TRRAP: variants seen among roughly 807,000 people sequenced by gnomAD.
TRRAP encodes transformation/transcription domain associated protein.
TRRAP carries 41 observed loss-of-function variants against 438.8 expected under a neutral mutation model. The observed-to-expected ratio is 0.09, with a 90% confidence interval of 0.07 to 0.12. The LOEUF is 0.12. Among genes scored for constraint, TRRAP ranks in the 10% least tolerant of loss-of-function variants. TRRAP has a pLI of 1.00. For missense variants in TRRAP, 3,122 were observed against 5,055.1 expected (o/e 0.62, Z 11.60); for synonymous variants, 1,994 against 1,962.9 (o/e 1.02, Z -0.42).
chr7:98,985,733 T>C (rs888596081), intron 62 of TRRAP, among the ~76,000 whole-genome samples: 1 of 152,254 alleles, frequency 6.6e-6, no homozygotes, highest in African/African-American at 2.4e-5. Context: ...GTTTAGCTTA[T>C]TTTTAAATTA....
At chr7:99,000,667 C>T (rs1179833854) in intron 67 of TRRAP, among the ~76,000 whole-genome samples, 1 of 152,268 alleles carries the variant, frequency 6.6e-6, no homozygotes. Flanking sequence ...CAGCCTAGCT[C>T]TCTGCCCCAG....
At chr7:98,930,447 G>A (rs1329745648) in intron 24 of TRRAP, among the ~76,000 whole-genome samples, 186 bp from the exon 25 acceptor site, 3 of 152,084 alleles carry the variant, frequency 2.0e-5, no homozygotes, top group South Asian at 2.1e-4. Flanking sequence ...GCGTGGTGGC[G>A]CATGCCTGTA....
In TRRAP at chr7:98,930,645, C is replaced by T. The variant is rs1554412638; in HGVS notation, c.3406C>T (p.Pro1136Ser). Reference protein sequence around the residue: ...LGSKERACQLPLFSYIVERLC... With the variant: ...LGSKERACQLSLFSYIVERLC... ...TTTTCCTCTCCAGGCCTGCCAGCTG[C>T]CCCTGTTTTCTTACATCGTGGAGCG... The change falls in exon 25 of 73, where the codon CCC becomes TCC. Residue 1136 changes from proline (P) to serine (S), a missense_variant. Transcript: ENST00000456197. 8 of 1,613,586 alleles carry T rather than the reference C, an allele frequency of 5.0e-6. No individual in the cohort carries two copies. Among genetic ancestry groups the T allele is most frequent in the Non-Finnish European group, 5.9e-6 (7 of 1,180,010 alleles).
chr7:98,974,925 G>C (rs1242027404), intron 53 of TRRAP, among the ~76,000 whole-genome samples: 1 of 152,136 alleles, frequency 6.6e-6, no homozygotes, highest in East Asian at 1.9e-4. Context: ...TTCGACACTT[G>C]GGGTTAGGGT....
intron 67 of TRRAP, among the ~76,000 whole-genome samples, chr7:99,001,030 A>G (rs1793896578): frequency 6.6e-6 from 1 of 152,254 alleles, no homozygotes; most frequent in Admixed American, 6.5e-5. Flanking sequence ...AGAATCTCCT[A>G]AAGACTCATT....
chr7:99,008,450 G>A lies in TRRAP; in HGVS notation c.10827G>A (p.Glu3609=). 6.2e-7 allele frequency: 1 copy of A among 1,614,204 alleles called. No individual in the cohort carries two copies. Among genetic ancestry groups the A allele is most frequent in the Non-Finnish European group, 8.5e-7 (1 of 1,180,034 alleles). Residue 3609 remains glutamate, a synonymous_variant, in exon 70 of 73, where the codon GAG becomes GAA. Transcript: ENST00000456197. The part of the protein sequence containing the change: ...EDNPSSLSLV[E]IYKQRCAKKG... Reference sequence around the variant, plus strand: ...ACCCCTCTTCACTTTCCCTTGTGGAGATCTACAAGCAGCGCTGCGCCAAGA... The same window carrying A: ...ACCCCTCTTCACTTTCCCTTGTGGAAATCTACAAGCAGCGCTGCGCCAAGA...
At chr7:98,993,872 C>A in intron 66 of TRRAP, 135 bp downstream of exon 66, 2 of 822,958 alleles carry the variant, frequency 2.4e-6, no homozygotes, top group Non-Finnish European at 3.9e-6. Context: ...TAACCATGGA[C>A]CAGGCAAATA....
chr7:98,948,184 A>C lies in TRRAP; in HGVS notation c.4549-37A>C, dbSNP rs367586513. 1.9e-6 allele frequency: 3 copies of C among 1,612,284 alleles called. No homozygotes were observed. In the Admixed American group the frequency reaches 5.0e-5, roughly 27 times the overall value. The stretch of plus-strand genomic sequence containing the variant: ...GTTGACCTCTGTCACTTGCAAAATT[A>C]ATCGACCTGTTTATAATTTCTGGTT... On this transcript the variant is annotated intron_variant, in intron 33 of 72. Coordinates refer to ENST00000456197, the MANE Select transcript of TRRAP (RefSeq NM_001375524.1). The surrounding 1 kb of genome is among the most constrained non-coding windows in gnomAD (Gnocchi z 4.9).
chr7:98,921,250 A>G lies in TRRAP; in HGVS notation c.2623-503A>G, dbSNP rs537762690. ...ATGTTTACACAGGTACTTTCTTTAT[A>G]AAGACATAAAACTTCCTTGGAAGAA... On this transcript the variant is annotated intron_variant, in intron 20 of 72. Coordinates refer to ENST00000456197, the MANE Select transcript of TRRAP (RefSeq NM_001375524.1). Among the ~76,000 whole-genome samples the G allele has an allele frequency of 5.3e-5, 8 of 152,334 alleles. No individual in the cohort carries two copies. In the East Asian group the frequency reaches 1.3e-3, roughly 26 times the overall value.
chr7:98,899,581 TAC>T (rs1796377814), intron 9 of TRRAP, 82 bp downstream of exon 9: 3 of 1,603,694 alleles, frequency 1.9e-6, no homozygotes, highest in Admixed American at 3.3e-5. Flanking sequence ...ATGTGTATAA[TAC>T]ACACATGCTA....
At chr7:98,972,585 C>T (rs1054173757) in intron 53 of TRRAP, among the ~76,000 whole-genome samples, 1 of 152,210 alleles carries the variant, frequency 6.6e-6, no homozygotes, top group Admixed American at 6.5e-5. Context: ...TAGAAACTCT[C>T]TGGCTTCTGC....
intron 19 of TRRAP, among the ~76,000 whole-genome samples, 153 bp downstream of exon 19, chr7:98,916,041 C>A (rs1584306708): frequency 6.6e-6 from 1 of 151,740 alleles, no homozygotes; most frequent in South Asian, 2.1e-4. Context: ...CTGCCCCCCT[C>A]CCCTGGCCCT....
chr7:98,946,967 G>C (rs1310365651), intron 33 of TRRAP, among the ~76,000 whole-genome samples: 1 of 152,236 alleles, frequency 6.6e-6, no homozygotes, highest in Non-Finnish European at 1.5e-5. Flanking sequence ...AGCTGGCCTT[G>C]AGCCCATTTT....
chr7:98,967,550 G>C lies in TRRAP; in HGVS notation c.7364G>C (p.Arg2455Pro). ...KLEPAFLSGLRCAQPLIRAKF... is the reference protein window; with the variant it reads ...KLEPAFLSGLPCAQPLIRAKF... ...GAGCCTGCCTTTCTCTCTGGGCTGC[G>C]CTGTGCCCAGCCACTCATCAGGGCA... Residue 2455 changes from arginine to proline, a missense_variant, in exon 51 of 73, where the codon CGC becomes CCC. By Grantham distance (103) the Arg-to-Pro change is moderately radical (BLOSUM62 -2). Coordinates refer to ENST00000456197, the MANE Select transcript of TRRAP (RefSeq NM_001375524.1). 6.2e-7 allele frequency: 1 copy of C among 1,614,072 alleles called. No homozygotes were observed. Among genetic ancestry groups the C allele is most frequent in the Non-Finnish European group, 8.5e-7 (1 of 1,180,026 alleles).
chr7:98,881,854 C>A, intron 2 of TRRAP, 121 bp from the exon 3 acceptor site: 1 of 1,064,090 alleles, frequency 9.4e-7, no homozygotes, highest in Non-Finnish European at 1.4e-6. Context: ...TTCTATTAGG[C>A]CATGACAGTC....
At chr7:98,961,131 T>C (rs2116663342) in intron 45 of TRRAP, 130 bp from the exon 46 acceptor site, 1 of 766,460 alleles carries the variant, frequency 1.3e-6, no homozygotes, top group South Asian at 1.7e-5. Context: ...ATTGTCATTC[T>C]CTAGTGGTTT....
Position 98,918,905 on chromosome 7 carries a change from A to C in TRRAP, c.2622+1226A>C, listed in dbSNP as rs183605682. On this transcript the variant is annotated intron_variant, in intron 20 of 72. Coordinates refer to ENST00000456197, the MANE Select transcript of TRRAP (RefSeq NM_001375524.1). Reference sequence around the variant, plus strand: ...ACCCTGTCTCTACTAAAAATACAAAAATTAGCCAGGCATGGTAGCAAGCCC... The same window carrying C: ...ACCCTGTCTCTACTAAAAATACAAACATTAGCCAGGCATGGTAGCAAGCCC... Among the ~76,000 whole-genome samples, 587 of 152,094 alleles carry C rather than the reference A, an allele frequency of 3.9e-3. 10 individuals are homozygous for C. Among genetic ancestry groups the C allele is most frequent in the African/African-American group, 0.013 (560 of 41,490 alleles).
At chr7:98,903,644 G>A in intron 12 of TRRAP, 127 bp downstream of exon 12, 3 of 1,355,074 alleles carry the variant, frequency 2.2e-6, no homozygotes, top group Non-Finnish European at 3.0e-6. Flanking sequence ...TTGCTGTCTT[G>A]GGTTCATTCT....
At position 98,912,190 on chromosome 7, in the gene TRRAP, G is replaced by C; in HGVS notation, c.2176G>C (p.Ala726Pro). The change falls in exon 18 of 73, where the codon GCT (alanine) becomes CCT (proline). Residue 726 changes from alanine (A) to proline (P), a missense_variant. By Grantham distance (27) the Ala-to-Pro change is conservative. This residue lies in a region of TRRAP where 149 missense variants were observed against 302.8 expected (regional missense o/e 0.49). Transcript: ENST00000456197. The part of the protein sequence containing the change: ...LVFGSVSLFA[A>P]ENEQMLKPHL... The stretch of plus-strand genomic sequence containing the variant: ...CTTTGGCTCTGTCTCCCTCTTTGCA[G>C]CTGAAAATGAACAAATGCTGAAGGT... 1.2e-6 allele frequency: 2 copies of C among 1,613,620 alleles called. No individual in the cohort carries two copies. Among genetic ancestry groups the C allele is most frequent in the Non-Finnish European group, 1.7e-6 (2 of 1,179,830 alleles).
Sources: gnomAD v4.1 joint callset for allele counts (sites outside exome capture counted in the v4.1 genomes callset) on GRCh38, gnomAD v4.1.1 for gene constraint, gnomAD v4.1.1 regional missense constraint, Gnocchi (gnomAD v3.1) non-coding constraint, MANE v1.5 for transcripts, NCBI Gene and HGNC (gene_info 2026-07-23, HGNC 2026-07-21) for gene names.